Variants in PSD3 observed in about 807,000 individuals in gnomAD.
PSD3 encodes PH and SEC7 domain-containing protein 3.
A neutral mutation model predicts 105.5 loss-of-function variants in PSD3; 49 were observed. The ratio of observed to expected loss-of-function variants is 0.46; its 90% CI spans 0.37 to 0.59. The LOEUF is 0.59. Among genes scored for constraint, PSD3 ranks in the 20% least tolerant of loss-of-function variants. The pLI, the probability that PSD3 is intolerant of heterozygous loss-of-function variation, is 0.00. For missense variants in PSD3, 1,561 were observed against 1,263.8 expected (o/e 1.24, Z -3.57); for synonymous variants, 557 against 457.8 (o/e 1.22, Z -2.77).
intron 9 of PSD3, among the ~76,000 whole-genome samples, chr8:18,694,548 T>G (rs1216620359): frequency 6.6e-6 from 1 of 151,734 alleles, no homozygotes; most frequent in Admixed American, 6.6e-5. Flanking sequence ...AGGCAGAGCT[T>G]GCAGTGAGCC....
intron 1 of PSD3, among the ~76,000 whole-genome samples, chr8:18,964,017 C>T (rs964016934): frequency 1.3e-5 from 2 of 152,228 alleles, no homozygotes; most frequent in African/African-American, 2.4e-5. Flanking sequence ...CGCACACATG[C>T]ATAGTTTCTA....
At position 18,774,577 on chromosome 8, in the gene PSD3, G is replaced by C. The variant is rs190319792; in HGVS notation, c.2083-9039C>G. On this transcript the variant is annotated intron_variant, in intron 8 of 15. Coordinates refer to ENST00000327040, the MANE Select transcript of PSD3 (RefSeq NM_015310.4). The stretch of plus-strand genomic sequence containing the variant: ...CCTAGACCTCTTACTTCTGTCGTTG[G>C]TACAGCCTGTTCCTGCTGCTGCTGC... The C allele has an allele frequency of 9.0e-4, 321 of 357,962 alleles. 2 individuals carry two copies. Among genetic ancestry groups the C allele is most frequent in the African/African-American group, 6.5e-3 (300 of 46,470 alleles). 22.2% of individuals were successfully genotyped at this position (357,962 alleles called of 1,614,324 possible).
At chr8:19,013,469 G>A (rs529217261) in intron 1 of PSD3, 94 bp downstream of exon 1, 4 of 1,542,402 alleles carry the variant, frequency 2.6e-6, no homozygotes, top group African/African-American at 2.8e-5. Flanking sequence ...CCGGGATCCT[G>A]GGGGACAGAG....
chr8:19,013,908 G>A (rs1487338225), upstream of PSD3, among the ~76,000 whole-genome samples: 1 of 150,596 alleles, frequency 6.6e-6, no homozygotes, highest in East Asian at 2.0e-4. Flanking sequence ...CCGAGGCGGG[G>A]GCGGGGTCTC....
intron 2 of PSD3, among the ~76,000 whole-genome samples, 184 bp from the exon 3 acceptor site, chr8:18,872,917 C>A (rs1817488508): frequency 6.6e-6 from 1 of 152,228 alleles, no homozygotes; most frequent in South Asian, 2.1e-4. Context: ...CCCTTCTACT[C>A]AGCCTACGCG....
intron 2 of PSD3, among the ~76,000 whole-genome samples, chr8:18,897,082 C>T (rs571758568): frequency 1.3e-5 from 2 of 152,314 alleles, no homozygotes; most frequent in Admixed American, 6.5e-5. Flanking sequence ...GCTGGGATTA[C>T]AGGCGTGAGC....
intron 9 of PSD3, among the ~76,000 whole-genome samples, chr8:18,745,393 T>C (rs916190576): frequency 6.6e-6 from 1 of 152,214 alleles, no homozygotes; most frequent in Non-Finnish European, 1.5e-5. Flanking sequence ...GGATATTCAT[T>C]TTCTTCTCTG....
intron 2 of PSD3, among the ~76,000 whole-genome samples, chr8:18,887,285 T>C (rs1394088223): frequency 1.3e-5 from 2 of 152,232 alleles, no homozygotes; most frequent in Non-Finnish European, 2.9e-5. Context: ...CCAGTCCTTA[T>C]CTCACTGCTT....
chr8:19,056,409 C>T (rs548671681), intron 1 of PSD3, among the ~76,000 whole-genome samples: 42 of 152,010 alleles, frequency 2.8e-4, no homozygotes, highest in Non-Finnish European at 5.0e-4. Context: ...AGTTTTGACA[C>T]GTTGTACAAT....
chr8:18,970,821 G>C (rs113676158), intron 1 of PSD3, among the ~76,000 whole-genome samples: 1 of 151,682 alleles, frequency 6.6e-6, no homozygotes, highest in African/African-American at 2.4e-5. Context: ...TGGGCGTGGC[G>C]GTGTGCACCT....
chr8:18,577,635 A>G (rs1473772257), intron 12 of PSD3, among the ~76,000 whole-genome samples: 1 of 152,022 alleles, frequency 6.6e-6, no homozygotes, highest in Non-Finnish European at 1.5e-5. Context: ...ATGCTTAGTC[A>G]TATAAGATGG....
intron 2 of PSD3, among the ~76,000 whole-genome samples, chr8:18,888,107 G>A (rs1818554733): frequency 6.6e-6 from 1 of 152,134 alleles, no homozygotes; most frequent in Admixed American, 6.5e-5. Flanking sequence ...TCCTTGCCAA[G>A]TAAAAGAAGT....
intron 1 of PSD3, among the ~76,000 whole-genome samples, chr8:19,008,057 G>T (rs1334229052): frequency 2.4e-4 from 2 of 8,182 alleles, no homozygotes; most frequent in Non-Finnish European, 0.045. Flanking sequence ...CAGCCAGGCT[G>T]GTCTCAACTC....
At chr8:19,036,637 G>C (rs1419354629) in intron 1 of PSD3, among the ~76,000 whole-genome samples, 3 of 152,148 alleles carry the variant, frequency 2.0e-5, no homozygotes, top group Admixed American at 2.0e-4. Flanking sequence ...GATTGTGGTA[G>C]GGTTATGTGG....
chr8:18,948,170 T>TG (rs1473647626), intron 1 of PSD3, among the ~76,000 whole-genome samples: 3 of 152,214 alleles, frequency 2.0e-5, no homozygotes, highest in African/African-American at 7.2e-5. Context: ...ATTCCTGACC[T>TG]TTTTTGCCTT....
intron 9 of PSD3, among the ~76,000 whole-genome samples, chr8:18,714,199 C>T (rs1802431856): frequency 6.6e-6 from 1 of 151,946 alleles, no homozygotes. Flanking sequence ...TAGGCAATAC[C>T]ATTCAGGACA....
intron 4 of PSD3, among the ~76,000 whole-genome samples, chr8:18,865,810 C>T (rs552815687): frequency 6.6e-6 from 1 of 152,302 alleles, no homozygotes; most frequent in South Asian, 2.1e-4. Context: ...TTTATCTCAA[C>T]ACGGCCTGAA....
intron 4 of PSD3, among the ~76,000 whole-genome samples, chr8:18,840,188 C>A (rs1372859042): frequency 6.6e-6 from 1 of 152,122 alleles, no homozygotes; most frequent in African/African-American, 2.4e-5. Flanking sequence ...TGAGAACTAC[C>A]ACCCACCTGC....
chr8:18,583,043 GTC>G (rs1409643454), intron 12 of PSD3, among the ~76,000 whole-genome samples: 1 of 151,992 alleles, frequency 6.6e-6, no homozygotes, highest in Non-Finnish European at 1.5e-5. Context: ...GGTCAGGCTG[GTC>G]TTGAACTCCT....
Sources: allele counts gnomAD v4.1 joint callset (sites outside exome capture counted in the v4.1 genomes callset), GRCh38; gene constraint gnomAD v4.1.1; transcripts MANE v1.5; gene names NCBI Gene and HGNC (gene_info 2026-07-23, HGNC 2026-07-21).